The following NR2F1-AS1 variants were observed in gnomAD, a reference collection of about 807,000 sequenced individuals.
The protein encoded by NR2F1-AS1 is NR2F1 regulatory antisense RNA 1.
At chr5:93,582,539 A>G (rs1753126783), upstream of NR2F1-AS1, among the ~76,000 whole-genome samples, 1 of 152,212 alleles carries the variant, frequency 6.6e-6, no homozygotes, top group Admixed American at 6.5e-5. Flanking sequence ...TATATGTGAG[A>G]GAAGAAAACA....
intron 4 of NR2F1-AS1, among the ~76,000 whole-genome samples, chr5:93,502,461 T>C (rs1168483735): frequency 6.6e-6 from 1 of 151,350 alleles, no homozygotes; most frequent in Non-Finnish European, 1.5e-5. Flanking sequence ...TAAGAACATA[T>C]AACGTAGAAA....
chr5:93,426,175 G>A (rs1749191557), intron 4 of NR2F1-AS1, among the ~76,000 whole-genome samples: 1 of 151,276 alleles, frequency 6.6e-6, no homozygotes, highest in African/African-American at 2.5e-5. Flanking sequence ...AGCCTCCTGA[G>A]TAGCTGGGAT....
intron 4 of NR2F1-AS1, among the ~76,000 whole-genome samples, chr5:93,505,356 G>C (rs557518981): frequency 6.6e-6 from 1 of 152,290 alleles, no homozygotes; most frequent in East Asian, 1.9e-4. Context: ...GGTGAAAGCT[G>C]TCAGTGGTCT....
intron 2 of NR2F1-AS1, among the ~76,000 whole-genome samples, chr5:93,559,315 C>CA (rs1752433418): frequency 6.6e-6 from 1 of 152,198 alleles, no homozygotes; most frequent in South Asian, 2.1e-4. Context: ...GTAACTTCCT[C>CA]AACCTTCACA....
intron 4 of NR2F1-AS1, among the ~76,000 whole-genome samples, chr5:93,519,977 GT>G (rs1015300118): frequency 6.6e-5 from 10 of 151,986 alleles, no homozygotes; most frequent in Non-Finnish European, 1.2e-4. Flanking sequence ...TGGAAAGACA[GT>G]TAAGCATCAC....
At chr5:93,481,023 G>C (rs1201902725) in intron 4 of NR2F1-AS1, among the ~76,000 whole-genome samples, 1 of 152,018 alleles carries the variant, frequency 6.6e-6, no homozygotes, top group Non-Finnish European at 1.5e-5. Context: ...TTCATGATCA[G>C]TTGGCACTAT....
intron 1 of NR2F1-AS1, among the ~76,000 whole-genome samples, chr5:93,567,671 C>T (rs1033280099): frequency 6.6e-6 from 1 of 152,064 alleles, no homozygotes; most frequent in African/African-American, 2.4e-5. Flanking sequence ...AGGAAAAGAG[C>T]CCTGGGGGAT....
intron 4 of NR2F1-AS1, among the ~76,000 whole-genome samples, chr5:93,526,189 A>G (rs1751610888): frequency 6.6e-6 from 1 of 152,214 alleles, no homozygotes; most frequent in African/African-American, 2.4e-5. Context: ...CACTGATCCC[A>G]CAGAAATACA....
chr5:93,435,732 T>C (rs143033751), intron 4 of NR2F1-AS1, among the ~76,000 whole-genome samples: 14 of 152,344 alleles, frequency 9.2e-5, no homozygotes, highest in South Asian at 8.3e-4. Flanking sequence ...AGGCCTTCTT[T>C]GACTACTTTA....
chr5:93,565,156 T>G (rs1415541177), intron 1 of NR2F1-AS1, among the ~76,000 whole-genome samples: 1 of 152,198 alleles, frequency 6.6e-6, no homozygotes, highest in Non-Finnish European at 1.5e-5. Context: ...TGACTTATTA[T>G]ATAGTCTTAG....
At chr5:93,513,932 T>C (rs923301281) in intron 4 of NR2F1-AS1, among the ~76,000 whole-genome samples, 3 of 152,092 alleles carry the variant, frequency 2.0e-5, no homozygotes, top group Non-Finnish European at 4.4e-5. Context: ...GCTTGTAAAG[T>C]ACAAGGGAAC....
chr5:93,469,159 G>A (rs1414210933), intron 4 of NR2F1-AS1, among the ~76,000 whole-genome samples: 3 of 152,082 alleles, frequency 2.0e-5, no homozygotes, highest in East Asian at 1.9e-4. Context: ...ATTGAGAAAT[G>A]TATCATTAGG....
At chr5:93,518,564 G>T (rs1751442142) in intron 4 of NR2F1-AS1, among the ~76,000 whole-genome samples, 1 of 151,984 alleles carries the variant, frequency 6.6e-6, no homozygotes, top group Admixed American at 6.6e-5. Flanking sequence ...TTATTTCCAA[G>T]ATGATACATT....
At chr5:93,529,404 C>G (rs1173191862) in intron 4 of NR2F1-AS1, among the ~76,000 whole-genome samples, 1 of 152,116 alleles carries the variant, frequency 6.6e-6, no homozygotes, top group African/African-American at 2.4e-5. Flanking sequence ...GCTTGGATTA[C>G]AGACATAGTG....
intron 4 of NR2F1-AS1, among the ~76,000 whole-genome samples, chr5:93,508,467 G>A (rs1292523972): frequency 6.6e-6 from 1 of 151,972 alleles, no homozygotes; most frequent in East Asian, 1.9e-4. Context: ...AACTCCAGGT[G>A]GATTTTTAAA....
chr5:93,512,371 T>C (rs1189061853), intron 4 of NR2F1-AS1, among the ~76,000 whole-genome samples: 7 of 152,328 alleles, frequency 4.6e-5, no homozygotes, highest in Admixed American at 2.0e-4. Context: ...AGCTAAGTGT[T>C]ACTGTGTTTT....
intron 4 of NR2F1-AS1, among the ~76,000 whole-genome samples, chr5:93,478,983 C>T (rs935514014): frequency 6.6e-6 from 1 of 152,208 alleles, no homozygotes; most frequent in African/African-American, 2.4e-5. Context: ...ACCAAAACAA[C>T]AGTTGAGTTG....
At chr5:93,511,227 A>C (rs569889741) in intron 4 of NR2F1-AS1, among the ~76,000 whole-genome samples, 14 of 152,298 alleles carry the variant, frequency 9.2e-5, no homozygotes, top group African/African-American at 3.4e-4. Context: ...CCATCATCCA[A>C]TTAATTGAAG....
At chr5:93,475,565 C>T (rs1750466245) in intron 4 of NR2F1-AS1, among the ~76,000 whole-genome samples, 1 of 152,094 alleles carries the variant, frequency 6.6e-6, no homozygotes, top group African/African-American at 2.4e-5. Context: ...GTTAAATGTA[C>T]CTATAGTAGG....
Sources: allele counts gnomAD v4.1 joint callset (sites outside exome capture counted in the v4.1 genomes callset), GRCh38; gene constraint gnomAD v4.1.1; transcripts MANE v1.5; gene names NCBI Gene and HGNC (gene_info 2026-07-23, HGNC 2026-07-21).